NTM: variants seen among roughly 807,000 people sequenced by gnomAD.
NTM encodes neurotrimin.
NTM carries 13 observed loss-of-function variants against 42.1 expected under a neutral mutation model. That is an observed-to-expected ratio of 0.31 (90% CI 0.20 to 0.49). NTM has a LOEUF of 0.49. Among genes scored for constraint, NTM ranks in the 20% least tolerant of loss-of-function variants. NTM has a pLI of 0.99. For synonymous variants in NTM, 187 were observed against 179.2 expected, an observed-to-expected ratio of 1.04 and a Z score of -0.35; for missense variants, 373 against 452.8, an observed-to-expected ratio of 0.82 and a Z score of 1.60.
chr11:132,329,028 C>T (rs990064588), intron 7 of NTM, among the ~76,000 whole-genome samples: 12 of 152,250 alleles, frequency 7.9e-5, no homozygotes, highest in African/African-American at 2.9e-4. Flanking sequence ...GCCGCTAATG[C>T]CCACTTAAAT....
intron 3 of NTM, among the ~76,000 whole-genome samples, chr11:132,162,910 G>A (rs184666045): frequency 6.6e-6 from 1 of 152,070 alleles, no homozygotes; most frequent in Non-Finnish European, 1.5e-5. Flanking sequence ...TGATGGACAT[G>A]TAACACTTAG....
intron 8 of NTM, 139 bp downstream of exon 8, chr11:132,330,324 T>A: frequency 2.2e-6 from 2 of 889,258 alleles, no homozygotes; most frequent in Non-Finnish European, 3.4e-6. Context: ...CCTTCAACCA[T>A]CTCCGTGTCA....
chr11:131,859,310 G>A (rs1261863445), intron 1 of NTM, among the ~76,000 whole-genome samples: 2 of 152,184 alleles, frequency 1.3e-5, no homozygotes, highest in African/African-American at 2.4e-5. Context: ...AAGGTTTCAA[G>A]AAAGCTCTTA....
intron 4 of NTM, among the ~76,000 whole-genome samples, chr11:132,280,088 G>C (rs944972721): frequency 2.0e-5 from 3 of 152,150 alleles, no homozygotes; most frequent in African/African-American, 7.2e-5. Context: ...GTCATCTCTG[G>C]ACTATCATTG....
chr11:131,406,352 T>A (rs777578306), intron 1 of NTM, among the ~76,000 whole-genome samples: 1 of 152,226 alleles, frequency 6.6e-6, no homozygotes, highest in African/African-American at 2.4e-5. Context: ...TTCTGGTCAC[T>A]TATTAATTTA....
intron 2 of NTM, among the ~76,000 whole-genome samples, chr11:131,968,059 C>T (rs1188370651): frequency 6.6e-6 from 1 of 152,130 alleles, no homozygotes; most frequent in Non-Finnish European, 1.5e-5. Flanking sequence ...TGTGCCTACA[C>T]GTGCTAGCTA....
chr11:131,907,960 C>T (rs1274510370), intron 1 of NTM, among the ~76,000 whole-genome samples: 3 of 152,150 alleles, frequency 2.0e-5, no homozygotes, highest in Non-Finnish European at 2.9e-5. Flanking sequence ...TGGATTTTGT[C>T]TTGTTAATTA....
chr11:131,400,911 C>T (rs1945059816), intron 1 of NTM, among the ~76,000 whole-genome samples: 1 of 151,496 alleles, frequency 6.6e-6, no homozygotes, highest in African/African-American at 2.4e-5. Context: ...AACATTGGGC[C>T]TTCTATGTTT....
At chr11:131,561,410 T>A (rs1426338048) in intron 1 of NTM, among the ~76,000 whole-genome samples, 1 of 152,224 alleles carries the variant, frequency 6.6e-6, no homozygotes, top group Non-Finnish European at 1.5e-5. Context: ...AAATTTCCAA[T>A]GGTGCTTAAT....
intron 1 of NTM, among the ~76,000 whole-genome samples, chr11:131,464,351 G>C: frequency 7.2e-6 from 1 of 139,806 alleles, no homozygotes; most frequent in East Asian, 2.1e-4. Flanking sequence ...CAGCAACGCA[G>C]GGAAAGCTGG....
At chr11:131,407,479 G>T (rs1414483202) in intron 1 of NTM, among the ~76,000 whole-genome samples, 1 of 152,164 alleles carries the variant, frequency 6.6e-6, no homozygotes, top group African/African-American at 2.4e-5. Context: ...AACAAAGGTG[G>T]GACATGCAGA....
Position 131,935,432 on chromosome 11 carries a change from T to G in NTM, c.167+23784T>G, listed in dbSNP as rs2059105597. On this transcript the variant is annotated intron_variant, in intron 2 of 8. Transcript: ENST00000683400. ...TTATGAGATCGGGATTGATTTCTTG[T>G]GTTTATTAGTCATAAATATTTGTCC... 2.6e-5 allele frequency among the ~76,000 whole-genome samples: 4 copies of G among 152,338 alleles called. No homozygotes were observed. In the South Asian group the frequency reaches 8.3e-4, roughly 32 times the overall value.
rs1016394674 is a variant in NTM at position 131,774,935 on chromosome 11, C to T, written c.83-136629C>T. On this transcript the variant is annotated intron_variant, in intron 1 of 8. Transcript: ENST00000683400. ...CTCCTTTCCCCTTTCTCTTCCTCTCCGTTCCCTGCAGTGGTTTCCCTAGGT... is the reference window on the plus strand; with the variant it reads ...CTCCTTTCCCCTTTCTCTTCCTCTCTGTTCCCTGCAGTGGTTTCCCTAGGT... Among the ~76,000 whole-genome samples, 17 of 152,284 alleles carry T rather than the reference C, an allele frequency of 1.1e-4. No individual in the cohort carries two copies. In the East Asian group the frequency reaches 2.7e-3, roughly 24 times the overall value.
intron 1 of NTM, among the ~76,000 whole-genome samples, chr11:131,765,312 T>C (rs187723390): frequency 1.3e-5 from 2 of 152,278 alleles, no homozygotes; most frequent in Admixed American, 1.3e-4. Context: ...ACCTTTATGA[T>C]TTGACTTCTG....
chr11:131,937,803 C>T (rs1473028192), intron 2 of NTM, among the ~76,000 whole-genome samples: 1 of 152,064 alleles, frequency 6.6e-6, no homozygotes, highest in African/African-American at 2.4e-5. Context: ...TAATAAAGGG[C>T]AGGAGGTATG....
chr11:132,194,305 G>A (rs1028242510), intron 3 of NTM, among the ~76,000 whole-genome samples: 6 of 151,892 alleles, frequency 4.0e-5, no homozygotes, highest in African/African-American at 1.5e-4. Flanking sequence ...ATGCAAGGGT[G>A]GTTCAACATG....
intron 2 of NTM, among the ~76,000 whole-genome samples, chr11:132,027,474 A>T (rs2075340374): frequency 6.6e-6 from 1 of 152,220 alleles, no homozygotes; most frequent in African/African-American, 2.4e-5. Flanking sequence ...AGAAAGTCTT[A>T]ATTTCTCTTT....
At chr11:131,407,979 T>C (rs1373495868) in intron 1 of NTM, among the ~76,000 whole-genome samples, 1 of 152,246 alleles carries the variant, frequency 6.6e-6, no homozygotes, top group African/African-American at 2.4e-5. Flanking sequence ...ACTCCGAAAG[T>C]AGCGCGGCCC....
chr11:131,866,115 C>A (rs1269641868), intron 1 of NTM, among the ~76,000 whole-genome samples: 1 of 151,984 alleles, frequency 6.6e-6, no homozygotes, highest in South Asian at 2.1e-4. Context: ...ACATGCTGCA[C>A]ACACATGCCT....
Sources: allele counts gnomAD v4.1 joint callset (sites outside exome capture counted in the v4.1 genomes callset), GRCh38; gene constraint gnomAD v4.1.1; transcripts MANE v1.5; gene names NCBI Gene and HGNC (gene_info 2026-07-23, HGNC 2026-07-21).